The following KIF13A variants were observed in gnomAD, a reference collection of about 807,000 sequenced individuals.
KIF13A encodes the protein kinesin-like protein KIF13A.
KIF13A carries 79 observed loss-of-function variants against 212.2 expected under a neutral mutation model. The ratio of observed to expected loss-of-function variants is 0.37; its 90% CI spans 0.31 to 0.45. The LOEUF is 0.45. KIF13A is among the 20% of genes least tolerant of loss of function. The probability of loss-of-function intolerance (pLI) is 1.00; values close to 1 mark genes in which losing one functional copy is unlikely to be tolerated. For missense variants in KIF13A, 1,901 were observed against 2,209.0 expected (o/e 0.86, Z 2.79); for synonymous variants, 789 against 808.6 (o/e 0.98, Z 0.41).
intron 2 of KIF13A, among the ~76,000 whole-genome samples, chr6:17,923,242 C>CCAG (rs1264027795): frequency 6.6e-6 from 1 of 151,180 alleles, no homozygotes; most frequent in Non-Finnish European, 1.5e-5. Flanking sequence ...CCACTGTACC[C>CCAG]CAGCCTAGGC....
rs1187637858 is a variant in KIF13A at position 17,898,830 on chromosome 6, T to C, written c.147-650A>G. Reference sequence around the variant, plus strand: ...CCTGGAAAAAACTCTGAAAAGGAAATAGTTTTCTTTCTTTTTTTCTCCAGA... The same window carrying C: ...CCTGGAAAAAACTCTGAAAAGGAAACAGTTTTCTTTCTTTTTTTCTCCAGA... On this transcript the variant is annotated intron_variant, in intron 2 of 38. Transcript: ENST00000259711. The surrounding 1 kb of genome is among the most constrained non-coding windows in gnomAD (Gnocchi z 5.2). 6.6e-6 allele frequency among the ~76,000 whole-genome samples: 1 copy of C among 151,988 alleles called. No individual in the cohort carries two copies. The highest frequency in any genetic ancestry group is 2.4e-5 in the African/African-American group (1 of 41,366).
chr6:17,833,728 C>T (rs1477412388), intron 12 of KIF13A, among the ~76,000 whole-genome samples: 1 of 151,382 alleles, frequency 6.6e-6, no homozygotes, highest in East Asian at 2.0e-4. Context: ...TGGTAGTAGG[C>T]ACCTGTAATC....
chr6:17,854,233 G>C (rs1767931391), intron 6 of KIF13A, among the ~76,000 whole-genome samples: 1 of 152,118 alleles, frequency 6.6e-6, no homozygotes. Flanking sequence ...CTGTCTCCTG[G>C]GTTCAAGCAA....
At chr6:17,946,346 A>G (rs1201388300) in intron 2 of KIF13A, among the ~76,000 whole-genome samples, 2 of 152,174 alleles carry the variant, frequency 1.3e-5, no homozygotes, top group African/African-American at 4.8e-5. Flanking sequence ...AAAACCAAGC[A>G]AAAACAGAAT....
Position 17,966,823 on chromosome 6 carries a change from T to C in KIF13A, c.146+20231A>G, listed in dbSNP as rs192575210. Reference sequence around the variant, plus strand: ...ACACTAAGAAAAATATCTAACATTTTTTGAGTATTTGCTGTAAATACTCAA... The same window carrying C: ...ACACTAAGAAAAATATCTAACATTTCTTGAGTATTTGCTGTAAATACTCAA... On this transcript the variant is annotated intron_variant, in intron 2 of 38. Coordinates refer to ENST00000259711, the MANE Select transcript of KIF13A (RefSeq NM_022113.6). Among the ~76,000 whole-genome samples, 224 of 152,332 alleles carry C rather than the reference T, an allele frequency of 1.5e-3. 1 individual carries two copies. The highest frequency in any genetic ancestry group is 3.4e-3 in the Middle Eastern group (1 of 294).
chr6:17,976,569 C>A (rs888584495), intron 2 of KIF13A, among the ~76,000 whole-genome samples: 1 of 152,186 alleles, frequency 6.6e-6, no homozygotes, highest in African/African-American at 2.4e-5. Context: ...CGCGCCTCTC[C>A]CTCCACACCT....
rs193097274 is a variant in KIF13A at position 17,975,585 on chromosome 6, G to C, written c.146+11469C>G. ...CCAGTACAGAACAAAACGCGAACAA[G>C]TTACTGCCGCTAGTTCGGGCAGCCT... On this transcript the variant is annotated intron_variant, in intron 2 of 38. Coordinates refer to ENST00000259711, the MANE Select transcript of KIF13A (RefSeq NM_022113.6). 2.7e-3 allele frequency among the ~76,000 whole-genome samples: 410 copies of C among 152,302 alleles called. 3 individuals carry two copies. The highest frequency in any genetic ancestry group is 9.1e-3 in the African/African-American group (380 of 41,550).
In KIF13A at chr6:17,811,117, T is replaced by C. The variant is rs1763393946; in HGVS notation, c.2001-2187A>G. Among the ~76,000 whole-genome samples, 1 of 152,234 alleles carries C rather than the reference T, an allele frequency of 6.6e-6. No individual in the cohort carries two copies. The highest frequency in any genetic ancestry group is 1.5e-5 in the Non-Finnish European group (1 of 68,040). On this transcript the variant is annotated intron_variant, in intron 17 of 38. Transcript: ENST00000259711. The surrounding 1 kb of genome is among the most constrained non-coding windows in gnomAD (Gnocchi z 6.0). The stretch of plus-strand genomic sequence containing the variant: ...AATGTCCTTCTTACTTTCTCTCTGC[T>C]GGTCAAACTCTACCTCTCAAATGCA...
At chr6:17,854,820 T>C (rs1767999192) in intron 6 of KIF13A, among the ~76,000 whole-genome samples, 1 of 152,146 alleles carries the variant, frequency 6.6e-6, no homozygotes, top group East Asian at 1.9e-4. Context: ...CCCAAAGTGC[T>C]GGGATTACAG....
rs747495341 is a variant in KIF13A at position 17,919,067 on chromosome 6, A to C, written c.147-20887T>G. Among the ~76,000 whole-genome samples the C allele has an allele frequency of 1.3e-5, 2 of 152,208 alleles. No individual in the cohort carries two copies. The highest frequency in any genetic ancestry group is 4.8e-5 in the African/African-American group (2 of 41,450). Reference sequence around the variant, plus strand: ...AATGGACAGATGCAGTCCTTGGCTCACATCAACGGATCACTTGTAACATTT... The same window carrying C: ...AATGGACAGATGCAGTCCTTGGCTCCCATCAACGGATCACTTGTAACATTT... On this transcript the variant is annotated intron_variant, in intron 2 of 38. Coordinates refer to ENST00000259711, the MANE Select transcript of KIF13A (RefSeq NM_022113.6). This position sits in a 1 kb window ranked among gnomAD's most constrained non-coding sequence, Gnocchi z 4.1.
intron 3 of KIF13A, among the ~76,000 whole-genome samples, chr6:17,884,494 A>G (rs972087814): frequency 3.3e-5 from 5 of 152,208 alleles, no homozygotes; most frequent in African/African-American, 1.2e-4. Flanking sequence ...GGTACAGGAT[A>G]GTGTAGATGG....
intron 2 of KIF13A, among the ~76,000 whole-genome samples, chr6:17,945,515 T>G (rs1053098123): frequency 4.6e-5 from 7 of 151,922 alleles, no homozygotes; most frequent in Non-Finnish European, 7.4e-5. Flanking sequence ...AAATACCACT[T>G]GTGATAGAAA....
chr6:17,958,662 AT>A (rs1484891267), intron 2 of KIF13A, among the ~76,000 whole-genome samples: 11 of 152,066 alleles, frequency 7.2e-5, no homozygotes, highest in Non-Finnish European at 1.3e-4. Context: ...GTTTTATTCC[AT>A]TTCTTCATCT....
In KIF13A at chr6:17,837,094, C is replaced by T. The variant is rs945252176; in HGVS notation, c.943-4G>A. On this transcript the variant is annotated splice_region_variant and splice_polypyrimidine_tract_variant and intron_variant, in intron 10 of 38. Transcript: ENST00000259711. The surrounding 1 kb of genome is among the most constrained non-coding windows in gnomAD (Gnocchi z 5.4). The stretch of plus-strand genomic sequence containing the variant: ...GGCTGTTGCCCCCCAAGTTGTCCTG[C>T]CAAGTATTTCAAACAGCATCTTAGG... The T allele has an allele frequency of 3.1e-6, 5 of 1,612,914 alleles. No individual in the cohort carries two copies. The African/African-American group carries it at 5.3e-5, about 17-fold the overall frequency.
chr6:17,813,104 G>GTA (rs1763579301), intron 17 of KIF13A, among the ~76,000 whole-genome samples: 1 of 152,180 alleles, frequency 6.6e-6, no homozygotes, highest in Non-Finnish European at 1.5e-5. Flanking sequence ...CCAGCTCATA[G>GTA]TAAATGTGTA....
In KIF13A at chr6:17,799,366, T is replaced by C. The variant is rs781002633; in HGVS notation, c.2690A>G (p.Asp897Gly). ...NFVFCQYTFWDQCESTVAAPV... is the reference protein window; with the variant it reads ...NFVFCQYTFWGQCESTVAAPV... ...GGCAGCCACCGTAGACTCACACTGGTCCCAGAATGTGTATTGACAGAAGAC... is the reference window on the plus strand; with the variant it reads ...GGCAGCCACCGTAGACTCACACTGGCCCCAGAATGTGTATTGACAGAAGAC... Residue 897 changes from aspartate to glycine, a missense_variant, in exon 22 of 39, where the codon GAC becomes GGC. By Grantham distance (94) the Asp-to-Gly change is moderately conservative. This residue lies in a region of KIF13A where 534 missense variants were observed against 536.9 expected (regional missense o/e 0.99). Coordinates refer to ENST00000259711, the MANE Select transcript of KIF13A (RefSeq NM_022113.6). The surrounding 1 kb of genome is among the most constrained non-coding windows in gnomAD (Gnocchi z 4.4). The C allele has an allele frequency of 1.9e-6, 3 of 1,612,064 alleles. No individual in the cohort carries two copies. The highest frequency in any genetic ancestry group is 2.5e-6 in the Non-Finnish European group (3 of 1,178,952).
rs1228624786 is a variant in KIF13A at position 17,908,687 on chromosome 6, C to A, written c.147-10507G>T. Among the ~76,000 whole-genome samples, 4 of 150,894 alleles carry A rather than the reference C, an allele frequency of 2.7e-5. No individual in the cohort carries two copies. The East Asian group carries it at 5.8e-4, about 22-fold the overall frequency. On this transcript the variant is annotated intron_variant, in intron 2 of 38. Transcript: ENST00000259711. ...GATATGCCTTCTTAAAAAAAAAAAA[C>A]CCTGTTTCTTTTTAAAAAATTACCA...
intron 2 of KIF13A, among the ~76,000 whole-genome samples, chr6:17,983,616 C>T (rs1002064425): frequency 1.3e-5 from 2 of 152,030 alleles, no homozygotes; most frequent in African/African-American, 2.4e-5. Flanking sequence ...CCTTAGGCTC[C>T]TAGGCAACTG....
At chr6:17,876,930 C>T (rs1371729457) in intron 3 of KIF13A, among the ~76,000 whole-genome samples, 3 of 152,102 alleles carry the variant, frequency 2.0e-5, no homozygotes, top group Non-Finnish European at 4.4e-5. Context: ...CCACTGTGCC[C>T]GGCCTGTATA....
Sources: allele counts gnomAD v4.1 joint callset (sites outside exome capture counted in the v4.1 genomes callset), GRCh38; gene constraint gnomAD v4.1.1; regional missense constraint gnomAD v4.1.1; non-coding constraint Gnocchi (gnomAD v3.1); transcripts MANE v1.5; gene names NCBI Gene and HGNC (gene_info 2026-07-23, HGNC 2026-07-21).